Variants in PODXL2 observed in about 807,000 individuals in gnomAD.
The protein encoded by PODXL2 is podocalyxin like 2, also known as podocalyxin-like protein 2.
PODXL2 carries 17 observed loss-of-function variants against 53.4 expected under a neutral mutation model. The ratio of observed to expected loss-of-function variants is 0.32; its 90% CI spans 0.22 to 0.48. PODXL2 has a LOEUF of 0.48. Ranked by LOEUF, PODXL2 falls within the 20% of genes least tolerant of loss-of-function variation. The probability of loss-of-function intolerance (pLI) is 0.99; values close to 1 mark genes in which losing one functional copy is unlikely to be tolerated. For synonymous variants in PODXL2, 311 were observed against 306.7 expected (o/e 1.01, Z -0.15); for missense variants, 673 against 760.0 (o/e 0.89, Z 1.35).
Position 127,660,630 on chromosome 3 carries a change from C to G in PODXL2, c.602C>G (p.Pro201Arg), listed in dbSNP as rs114228905. The G allele has an allele frequency of 1.7e-4, 270 of 1,614,184 alleles. No homozygotes were observed. In the African/African-American group the frequency reaches 3.3e-3, roughly 20 times the overall value. Reference sequence around the variant, plus strand: ...AATGGATCCCAAGAAGAAGCCAAGCCTCAGGTCCGTGACTTTTCTCTCACC... The same window carrying G: ...AATGGATCCCAAGAAGAAGCCAAGCGTCAGGTCCGTGACTTTTCTCTCACC... ...PVNGSQEEAK[P>R]QVRDFSLTSS... Residue 201 changes from proline to arginine, a missense_variant, in exon 3 of 8, where the codon CCT (proline) becomes CGT (arginine). Pro to Arg is a moderately radical substitution (Grantham distance 103, BLOSUM62 -2). This residue lies in a region of PODXL2 where 588 missense variants were observed against 668.3 expected (regional missense o/e 0.88). Coordinates refer to ENST00000342480, the MANE Select transcript of PODXL2 (RefSeq NM_015720.4).
At chr3:127,652,191 ATCC>A (rs1018237915) in intron 2 of PODXL2, among the ~76,000 whole-genome samples, 3 of 152,258 alleles carry the variant, frequency 2.0e-5, no homozygotes, top group African/African-American at 7.2e-5. Flanking sequence ...TAGAGCAAGA[ATCC>A]TCCTCTCCTG....
At chr3:127,642,724 A>G (rs893238455) in intron 2 of PODXL2, among the ~76,000 whole-genome samples, 4 of 152,226 alleles carry the variant, frequency 2.6e-5, no homozygotes, top group Admixed American at 6.5e-5. Context: ...TATATACAGA[A>G]TATGTGTATT....
intron 4 of PODXL2, among the ~76,000 whole-genome samples, chr3:127,663,388 T>C (rs999001046): frequency 6.6e-6 from 1 of 152,238 alleles, no homozygotes; most frequent in Non-Finnish European, 1.5e-5. Context: ...GCTTCCAGTG[T>C]CTAGATTTTG....
In PODXL2 at chr3:127,639,343, G is replaced by A. The variant is rs2074599383; in HGVS notation, c.169G>A (p.Glu57Lys). 14 of 1,614,088 alleles carry A rather than the reference G, an allele frequency of 8.7e-6. No homozygotes were observed. Among genetic ancestry groups the A allele is most frequent in the Non-Finnish European group, 1.2e-5 (14 of 1,180,036 alleles). Residue 57 changes from glutamate (E) to lysine (K), a missense_variant, in exon 2 of 8, where the codon GAG becomes AAG. Transcript: ENST00000342480. ...LLDLLLPTGLEPLDSEEPSET... is the reference protein window; with the variant it reads ...LLDLLLPTGLKPLDSEEPSET... ...AGACCTCCTGCTGCCCACTGGCTTG[G>A]AGCCACTGGACTCAGAGGAGCCTAG...
chr3:127,658,716 TTGCTCCTTA>T (rs2107541988), intron 2 of PODXL2, among the ~76,000 whole-genome samples: 2 of 152,314 alleles, frequency 1.3e-5, no homozygotes, highest in East Asian at 3.9e-4. Context: ...AGATTTTCTC[TTGCTCCTTA>T]TAATTCTAAA....
At chr3:127,631,456 C>T (rs2074545337) in intron 1 of PODXL2, among the ~76,000 whole-genome samples, 1 of 152,156 alleles carries the variant, frequency 6.6e-6, no homozygotes. Context: ...TTGCCTCCTT[C>T]TGTGTTTGTT....
At chr3:127,671,150 G>A (rs889969979) in intron 6 of PODXL2, among the ~76,000 whole-genome samples, 1 of 152,200 alleles carries the variant, frequency 6.6e-6, no homozygotes, top group African/African-American at 2.4e-5. Context: ...GGAGGCCTAG[G>A]GCCACAGTGA....
intron 7 of PODXL2, 42 bp downstream of exon 7, chr3:127,671,655 A>AG: frequency 6.3e-7 from 1 of 1,583,030 alleles, no homozygotes; most frequent in South Asian, 1.1e-5. Flanking sequence ...AGTTGAGAGG[A>AG]GAGTGCCCAT....
At chr3:127,646,621 C>T (rs1243498534) in intron 2 of PODXL2, among the ~76,000 whole-genome samples, 1 of 152,116 alleles carries the variant, frequency 6.6e-6, no homozygotes, top group Non-Finnish European at 1.5e-5. Flanking sequence ...CTCCTGACCT[C>T]GTGATCTGCC....
At chr3:127,668,395 G>A in intron 4 of PODXL2, 46 bp from the exon 5 acceptor site, 1 of 1,456,544 alleles carries the variant, frequency 6.9e-7, no homozygotes, top group Non-Finnish European at 9.1e-7. Flanking sequence ...GCTCAGTAGA[G>A]CCCCTTTCCT....
intron 4 of PODXL2, among the ~76,000 whole-genome samples, chr3:127,663,986 A>AT (rs1322471868): frequency 4.6e-5 from 7 of 152,026 alleles, no homozygotes; most frequent in Non-Finnish European, 8.8e-5. Context: ...TTTATGGTAG[A>AT]TTTTTTTTAT....
intron 2 of PODXL2, among the ~76,000 whole-genome samples, chr3:127,659,910 C>A (rs1468629491): frequency 1.1e-4 from 16 of 152,156 alleles, no homozygotes; most frequent in Admixed American, 1.0e-3. Context: ...CTCACTTCCT[C>A]CAGTGATGAG....
At chr3:127,669,266 A>G (rs1269342280) in intron 6 of PODXL2, 64 bp downstream of exon 6, 6 of 1,142,836 alleles carry the variant, frequency 5.3e-6, no homozygotes, top group African/African-American at 4.6e-5. Flanking sequence ...CTGTTCCTCA[A>G]AGTCCCAGGA....
intron 2 of PODXL2, among the ~76,000 whole-genome samples, chr3:127,644,100 G>T (rs1353532667): frequency 1.3e-5 from 2 of 152,028 alleles, no homozygotes; most frequent in African/African-American, 2.4e-5. Flanking sequence ...TCATTTTAAA[G>T]AAATGATATT....
intron 2 of PODXL2, among the ~76,000 whole-genome samples, chr3:127,659,656 A>G (rs1268391339): frequency 1.3e-5 from 2 of 152,204 alleles, no homozygotes; most frequent in African/African-American, 4.8e-5. Context: ...CCAGAAAACA[A>G]TCTGATCTCC....
intron 4 of PODXL2, among the ~76,000 whole-genome samples, chr3:127,667,141 G>T (rs2074798630): frequency 6.6e-6 from 1 of 152,256 alleles, no homozygotes; most frequent in South Asian, 2.1e-4. Context: ...TCAGTTGGCT[G>T]GCTATTAGAC....
chr3:127,632,597 TCC>T (rs2074553927), intron 1 of PODXL2, among the ~76,000 whole-genome samples: 1 of 152,228 alleles, frequency 6.6e-6, no homozygotes, highest in Non-Finnish European at 1.5e-5. Context: ...ACTTTTTTCT[TCC>T]TGGAATGCAT....
rs1205769829 is a variant in PODXL2 at position 127,671,539 on chromosome 3, A to G, written c.1531A>G (p.Ile511Val). The G allele has an allele frequency of 3.7e-6, 6 of 1,614,186 alleles. No homozygotes were observed. Among genetic ancestry groups the G allele is most frequent in the Non-Finnish European group, 5.1e-6 (6 of 1,180,024 alleles). ...LFVVLVVIGA[I>V]CIIIIALGLL... The stretch of plus-strand genomic sequence containing the variant: ...CGTGGTGCTGGTGGTCATTGGGGCC[A>G]TCTGCATCATCATCATTGCGCTTGG... Residue 511 changes from isoleucine (I) to valine (V), a missense_variant, in exon 7 of 8, where the codon ATC becomes GTC. By Grantham distance (29) the Ile-to-Val change is conservative (BLOSUM62 3). Around this residue, in one of 3 missense-constraint regions of PODXL2, gnomAD observed 588 missense variants for 668.3 expected, o/e 0.88. Transcript: ENST00000342480.
chr3:127,641,375 T>A (rs1208283502), intron 2 of PODXL2, among the ~76,000 whole-genome samples: 1 of 151,234 alleles, frequency 6.6e-6, no homozygotes, highest in African/African-American at 2.4e-5. Context: ...GCCTGACTAA[T>A]TTTTTCATTT....
Sources: allele counts gnomAD v4.1 joint callset (sites outside exome capture counted in the v4.1 genomes callset), GRCh38; gene constraint gnomAD v4.1.1; regional missense constraint gnomAD v4.1.1; transcripts MANE v1.5; gene names NCBI Gene and HGNC (gene_info 2026-07-23, HGNC 2026-07-21).